PAK3: variants seen among roughly 807,000 people sequenced by gnomAD.
PAK3 encodes the protein p21 (RAC1) activated kinase 3.
PAK3 carries 4 observed loss-of-function variants against 41.0 expected under a neutral mutation model. That is an observed-to-expected ratio of 0.10 (90% CI 0.05 to 0.22). The LOEUF (loss-of-function observed/expected upper bound fraction) is 0.22. PAK3 is among the 10% of genes least tolerant of loss of function. PAK3 has a pLI of 1.00. For synonymous variants in PAK3, 146 were observed against 139.6 expected, an observed-to-expected ratio of 1.05 and a Z score of -0.32; for missense variants, 205 against 409.9, an observed-to-expected ratio of 0.50 and a Z score of 4.32.
chrX:110,973,319 G>C (rs1008312958), intron 1 of PAK3, among the ~76,000 whole-genome samples: 5 of 111,884 alleles, frequency 4.5e-5, no homozygotes, highest in African/African-American at 6.5e-5. Flanking sequence ...AAAGAGAAAG[G>C]TCGAGCTACA....
intron 16 of PAK3, 62 bp downstream of exon 16, chrX:111,196,702 T>C (rs1215788173): frequency 1.7e-5 from 14 of 841,280 alleles, no homozygotes; most frequent in Non-Finnish European, 2.5e-5. Context: ...AAATATCATT[T>C]CTGGCTTCCA....
chrX:110,997,972 C>T (rs780920943), intron 1 of PAK3, among the ~76,000 whole-genome samples: 1 of 111,599 alleles, frequency 9.0e-6, no homozygotes, highest in Non-Finnish European at 1.9e-5. Flanking sequence ...ACGTTCTAGC[C>T]TCTGAAACTG....
intron 10 of PAK3, among the ~76,000 whole-genome samples, chrX:111,164,292 G>A (rs1469918775): frequency 9.1e-6 from 1 of 110,289 alleles, no homozygotes; most frequent in African/African-American, 3.3e-5. Context: ...TACTTTTCTG[G>A]GTCAAGAAGA....
intron 1 of PAK3, among the ~76,000 whole-genome samples, chrX:111,031,606 A>G (rs1373533624): frequency 9.0e-6 from 1 of 111,391 alleles, no homozygotes; most frequent in Admixed American, 9.6e-5. Context: ...TGCCTCCAAT[A>G]CAATTAATGT....
rs2091899899 is a variant in PAK3, at chrX:111,004,946, T to A, written c.-28+60318T>A. Among the ~76,000 whole-genome samples the A allele has an allele frequency of 2.7e-5, 3 of 112,343 alleles. No individual in the cohort carries two copies. The South Asian group carries it at 1.1e-3, about 42-fold the overall frequency. ...TGAGAAGAGGAAAGATACTAACAGC[T>A]CACAAATATTTTGTTATTGACTAAC... On this transcript the variant is annotated intron_variant, in intron 1 of 14. Coordinates refer to the PAK3 transcript ENST00000425146.
intron 1 of PAK3, among the ~76,000 whole-genome samples, chrX:110,955,454 T>C (rs2090835761): frequency 9.0e-6 from 1 of 111,357 alleles, no homozygotes; most frequent in African/African-American, 3.3e-5. Context: ...TTTCCGGTAA[T>C]GAGAGTCAAT....
At chrX:111,163,761 G>A (rs773063915) in intron 10 of PAK3, 34 bp downstream of exon 10, 4 of 1,063,152 alleles carry the variant, frequency 3.8e-6, no homozygotes, top group Non-Finnish European at 5.2e-6. Flanking sequence ...CTTTCTACAC[G>A]GGAGTGTTTC....
chrX:111,207,073 C>CGTGTGTGTGTGTGTGTGTGTGT (rs367846225), intron 16 of PAK3, among the ~76,000 whole-genome samples: 1 of 97,378 alleles, frequency 1.0e-5, no homozygotes, highest in African/African-American at 3.8e-5. Context: ...TAGATATATA[C>CGTGTGTGTGTGTGTGTGTGTGT]GTGTGTGTGT....
At chrX:111,032,209 G>C (rs1446555773) in intron 1 of PAK3, among the ~76,000 whole-genome samples, 1 of 112,261 alleles carries the variant, frequency 8.9e-6, no homozygotes, top group African/African-American at 3.2e-5. Context: ...GTTCTAGAAA[G>C]TAAGGAATAA....
chrX:111,006,682 G>A (rs1442559718), intron 1 of PAK3, among the ~76,000 whole-genome samples: 1 of 111,125 alleles, frequency 9.0e-6, no homozygotes, highest in East Asian at 2.8e-4. Flanking sequence ...GAGACTGAAA[G>A]CCTTTCTGAG....
intron 1 of PAK3, among the ~76,000 whole-genome samples, chrX:111,083,273 C>T (rs746808702): frequency 8.9e-6 from 1 of 112,088 alleles, no homozygotes; most frequent in Admixed American, 9.4e-5. Context: ...TCTTTTTCTT[C>T]ATAAGATTTG....
At chrX:110,969,929 C>T (rs1333584712) in intron 1 of PAK3, among the ~76,000 whole-genome samples, 1 of 111,829 alleles carries the variant, frequency 8.9e-6, no homozygotes, top group Non-Finnish European at 1.9e-5. Context: ...AGAATTGACA[C>T]TTTTACTATA....
intron 1 of PAK3, among the ~76,000 whole-genome samples, chrX:110,980,099 G>T (rs768634135): frequency 8.9e-6 from 1 of 111,781 alleles, no homozygotes; most frequent in Non-Finnish European, 1.9e-5. Flanking sequence ...TAGCAATCTC[G>T]CATGTCAAAA....
At chrX:111,147,148 G>T (rs1275276466) in intron 6 of PAK3, among the ~76,000 whole-genome samples, 1 of 111,141 alleles carries the variant, frequency 9.0e-6, no homozygotes, top group Non-Finnish European at 1.9e-5. Context: ...GCATCTCAGT[G>T]GTTCTTGCCC....
chrX:111,139,147 A>G (rs760171783), intron 5 of PAK3, among the ~76,000 whole-genome samples: 1 of 111,510 alleles, frequency 9.0e-6, no homozygotes, highest in South Asian at 3.8e-4. Flanking sequence ...AAGAGGATGG[A>G]TTCAAGACCA....
intron 8 of PAK3, among the ~76,000 whole-genome samples, chrX:111,159,690 T>G (rs910976306): frequency 8.9e-6 from 1 of 111,994 alleles, no homozygotes; most frequent in African/African-American, 3.2e-5. Context: ...ATCTGGAAAC[T>G]TAATGTCATT....
chrX:111,132,968 C>T (rs1340370166), intron 5 of PAK3, among the ~76,000 whole-genome samples: 1 of 110,786 alleles, frequency 9.0e-6, no homozygotes, highest in Non-Finnish European at 1.9e-5. Flanking sequence ...GTGGGGAGGT[C>T]CTCCCCATTC....
chrX:110,964,575 T>A (rs2091044271), intron 1 of PAK3, among the ~76,000 whole-genome samples: 1 of 112,376 alleles, frequency 8.9e-6, no homozygotes, highest in African/African-American at 3.2e-5. Flanking sequence ...ACTGTTCACA[T>A]TGCAGTCTCT....
intron 1 of PAK3, among the ~76,000 whole-genome samples, chrX:110,974,759 A>T (rs1181586566): frequency 8.9e-6 from 1 of 111,876 alleles, no homozygotes; most frequent in Non-Finnish European, 1.9e-5. Context: ...AAGCTTATCC[A>T]CCACGATCAA....
Sources: allele counts gnomAD v4.1 joint callset (sites outside exome capture counted in the v4.1 genomes callset), GRCh38; gene constraint gnomAD v4.1.1; transcripts MANE v1.5; gene names NCBI Gene and HGNC (gene_info 2026-07-23, HGNC 2026-07-21).